The following LBP variants were observed in gnomAD, a reference collection of about 807,000 sequenced individuals.
LBP encodes the protein lipopolysaccharide binding protein.
Under a neutral mutation model 56.6 loss-of-function variants are expected in LBP, and 53 were observed. The observed-to-expected ratio is 0.94, with a 90% CI of 0.75 to 1.18. The LOEUF (loss-of-function observed/expected upper bound fraction) is 1.18. Ranked by LOEUF, LBP falls within the 50% of genes most tolerant of loss-of-function variation. The pLI is 0.00. For missense variants in LBP, 601 were observed against 598.3 expected, an observed-to-expected ratio of 1.00 and a Z score of -0.05; for synonymous variants, 227 against 247.5, an observed-to-expected ratio of 0.92 and a Z score of 0.78.
chr20:38,356,420 GCA>G (rs34125610), intron 5 of LBP, among the ~76,000 whole-genome samples: 8,409 of 124,616 alleles, frequency 0.067, 267 homozygotes, highest in South Asian at 0.11. Context: ...ACACACACGC[GCA>G]CACACACACA....
intron 1 of LBP, among the ~76,000 whole-genome samples, chr20:38,348,863 G>A (rs1009411254): frequency 6.6e-5 from 10 of 151,376 alleles, no homozygotes; most frequent in East Asian, 2.0e-4. Flanking sequence ...GTGCGATCTC[G>A]GCTCACTGCA....
chr20:38,354,830 C>T (rs2076832977), intron 4 of LBP, among the ~76,000 whole-genome samples: 2 of 152,102 alleles, frequency 1.3e-5, no homozygotes, highest in Admixed American at 1.3e-4. Context: ...CGCCTGTAAT[C>T]CTAACAATTT....
chr20:38,361,071 A>G (rs2076858473), intron 6 of LBP, among the ~76,000 whole-genome samples: 1 of 151,704 alleles, frequency 6.6e-6, no homozygotes, highest in African/African-American at 2.4e-5. Context: ...CTGAGGCAGG[A>G]GAATTGATTG....
chr20:38,353,752 T>C (rs2076828768), intron 3 of LBP, among the ~76,000 whole-genome samples: 1 of 151,952 alleles, frequency 6.6e-6, no homozygotes, highest in African/African-American at 2.4e-5. Flanking sequence ...ACTTCAAAAG[T>C]TTTTTTTGAA....
intron 6 of LBP, among the ~76,000 whole-genome samples, chr20:38,362,897 G>A (rs11536968): frequency 0.063 from 9,528 of 152,182 alleles, 347 homozygotes; most frequent in South Asian, 0.13. Context: ...GCGGTGGGCT[G>A]AAATTGTGCC....
At chr20:38,368,047 A>AAAAGAAAGAAAGAAAGAAAGAAAG (rs559104819) in intron 9 of LBP, among the ~76,000 whole-genome samples, 1 of 151,990 alleles carries the variant, frequency 6.6e-6, no homozygotes, top group African/African-American at 2.4e-5. Context: ...GAAAAGTTAA[A>AAAAGAAAGAAAGAAAGAAAGAAAG]AAAGAAAGAA....
chr20:38,370,445 TC>T (rs1347135149), intron 10 of LBP, among the ~76,000 whole-genome samples: 1 of 152,180 alleles, frequency 6.6e-6, no homozygotes, highest in Admixed American at 6.5e-5. Context: ...CTAGAAATGA[TC>T]CTTTTTAGAG....
chr20:38,364,193 C>T lies in LBP; in HGVS notation c.744+127C>T, dbSNP rs547837153. ...CCAGTGGTTCCCGCTTTGTCAAGGG[C>T]CGGGTGATATGGAGTGGTGGGGAGT... On this transcript the variant is annotated intron_variant, in intron 7 of 14. Transcript: ENST00000217407. 6 of 689,816 alleles carry T rather than the reference C, an allele frequency of 8.7e-6. No homozygotes were observed. The South Asian group carries it at 8.7e-5, about 10-fold the overall frequency. 42.7% of individuals were successfully genotyped at this position (689,816 alleles called of 1,614,324 possible). A position where few individuals can be genotyped will look rare whatever the true frequency, so the allele number is the denominator to read the frequency against.
intron 1 of LBP, among the ~76,000 whole-genome samples, chr20:38,348,317 A>AT (rs766381612): frequency 0.01 from 1,454 of 143,850 alleles, 17 homozygotes; most frequent in African/African-American, 0.032. Flanking sequence ...TCCTTTCCAT[A>AT]TTTTTTTTTT....
chr20:38,375,329 C>T (rs973921459), intron 14 of LBP, among the ~76,000 whole-genome samples: 1 of 151,446 alleles, frequency 6.6e-6, no homozygotes, highest in African/African-American at 2.4e-5. Context: ...ATGCCTGTAA[C>T]CCCAGCACTT....
At chr20:38,373,190 A>C (rs569165460) in intron 13 of LBP, 55 bp downstream of exon 13, 1 of 1,491,484 alleles carries the variant, frequency 6.7e-7, no homozygotes, top group Non-Finnish European at 9.4e-7. Context: ...TGTCTGGAGG[A>C]AAGAGAGTTG....
intron 14 of LBP, among the ~76,000 whole-genome samples, chr20:38,376,256 C>G (rs187402189): frequency 6.6e-5 from 10 of 152,140 alleles, no homozygotes; most frequent in Non-Finnish European, 1.3e-4. Context: ...ACTTGGCCTT[C>G]GGTTCAGAAT....
intron 6 of LBP, 127 bp downstream of exon 6, chr20:38,360,894 G>A (rs910830577): frequency 3.0e-5 from 19 of 637,482 alleles, no homozygotes; most frequent in East Asian, 6.2e-5. Flanking sequence ...CAGGCGCAGC[G>A]GCTCACACCT....
intron 10 of LBP, 32 bp from the exon 11 acceptor site, chr20:38,370,706 T>C (rs1273448454): frequency 1.3e-6 from 2 of 1,596,694 alleles, no homozygotes; most frequent in Non-Finnish European, 1.7e-6. Context: ...CCTTCATCAC[T>C]TACACCTGCT....
chr20:38,371,847 G>C (rs2076902005), intron 12 of LBP, among the ~76,000 whole-genome samples: 1 of 152,220 alleles, frequency 6.6e-6, no homozygotes, highest in South Asian at 2.1e-4. Context: ...CTCTGTGCTA[G>C]CTCTCATTGG....
chr20:38,348,596 C>T (rs1369073800), intron 1 of LBP, among the ~76,000 whole-genome samples: 1 of 152,026 alleles, frequency 6.6e-6, no homozygotes, highest in Non-Finnish European at 1.5e-5. Flanking sequence ...CTGCGCCCGA[C>T]CCCTTTCCAT....
chr20:38,348,743 G>A (rs1313814139), intron 1 of LBP, among the ~76,000 whole-genome samples: 1 of 150,256 alleles, frequency 6.7e-6, no homozygotes, highest in African/African-American at 2.5e-5. Flanking sequence ...ATGCCAATGA[G>A]GAAAGTTTAG....
At chr20:38,349,773 C>T (rs1600721642) in intron 2 of LBP, 111 bp downstream of exon 2, 4 of 751,184 alleles carry the variant, frequency 5.3e-6, no homozygotes, top group South Asian at 1.8e-5. Flanking sequence ...GGGACCTCTC[C>T]GGGGCAGACA....
At chr20:38,373,012 A>G (rs879152577) in intron 12 of LBP, 60 bp from the exon 13 acceptor site, 1 of 1,433,238 alleles carries the variant, frequency 7.0e-7, no homozygotes, top group Admixed American at 1.7e-5. Flanking sequence ...ATGTTGGCAC[A>G]CACAGAACCA....
Sources: gnomAD v4.1 joint callset for allele counts (sites outside exome capture counted in the v4.1 genomes callset) on GRCh38, gnomAD v4.1.1 for gene constraint, MANE v1.5 for transcripts, NCBI Gene and HGNC (gene_info 2026-07-23, HGNC 2026-07-21) for gene names.